The following PARD3B variants were observed in gnomAD, a reference collection of about 807,000 sequenced individuals.
PARD3B encodes partitioning defective 3 homolog B.
A neutral mutation model predicts 130.2 loss-of-function variants in PARD3B; 103 were observed. The ratio of observed to expected loss-of-function variants is 0.79; its 90% CI spans 0.67 to 0.93. PARD3B has a LOEUF of 0.93. Ranked by LOEUF, PARD3B falls within the 40% of genes least tolerant of loss-of-function variation. The probability of loss-of-function intolerance (pLI) is 0.00; values close to 1 mark genes in which losing one functional copy is unlikely to be tolerated. For missense variants in PARD3B, 1,609 were observed against 1,499.2 expected, an observed-to-expected ratio of 1.07 and a Z score of -1.21; for synonymous variants, 583 against 553.2, an observed-to-expected ratio of 1.05 and a Z score of -0.76.
intron 18 of PARD3B, chr2:205,347,672 A>G (rs2043844191): frequency 6.6e-6 from 1 of 152,212 alleles, no homozygotes; most frequent in Non-Finnish European, 1.5e-5. Flanking sequence ...ATTTAGAAGA[A>G]TCTGAGAAAC....
chr2:204,696,148 T>C (rs2037598030), intron 2 of PARD3B, among the ~76,000 whole-genome samples: 1 of 151,262 alleles, frequency 6.6e-6, no homozygotes, highest in Non-Finnish European at 1.5e-5. Context: ...CAATAGGGAG[T>C]ATCGGGGGAG....
intron 6 of PARD3B, among the ~76,000 whole-genome samples, chr2:205,117,650 C>T (rs776361434): frequency 7.2e-5 from 11 of 152,156 alleles, no homozygotes; most frequent in Non-Finnish European, 1.2e-4. Flanking sequence ...TAATAGCACA[C>T]ATGGATTTTA....
At chr2:204,809,318 G>T (rs775723527) in intron 2 of PARD3B, among the ~76,000 whole-genome samples, 1 of 152,014 alleles carries the variant, frequency 6.6e-6, no homozygotes, top group Non-Finnish European at 1.5e-5. Context: ...TGTTACAATT[G>T]CTTTTGGCAT....
chr2:204,694,536 A>C (rs2037518807), intron 2 of PARD3B, among the ~76,000 whole-genome samples: 1 of 152,042 alleles, frequency 6.6e-6, no homozygotes, highest in South Asian at 2.1e-4. Flanking sequence ...TGGGAACTAG[A>C]ATTGAAGATT....
chr2:204,995,293 C>T (rs1310855546), intron 3 of PARD3B, among the ~76,000 whole-genome samples: 1 of 151,424 alleles, frequency 6.6e-6, no homozygotes, highest in Non-Finnish European at 1.5e-5. Flanking sequence ...CAAAATCTCT[C>T]AGCATTTGCT....
chr2:204,889,662 A>G lies in PARD3B; in HGVS notation c.223-75490A>G, dbSNP rs147857645. 1.3e-5 allele frequency among the ~76,000 whole-genome samples: 2 copies of G among 152,332 alleles called. 1 individual carries two copies. Among genetic ancestry groups the G allele is most frequent in the East Asian group, 3.9e-4 (2 of 5,180 alleles). On this transcript the variant is annotated intron_variant, in intron 2 of 22. Transcript: ENST00000406610. ...TACAGATGTTTAAACAAAAAATTGA[A>G]TATGTGCTGAGTAAAATTCATTTAT...
chr2:205,447,543 A>G (rs1231533939), intron 20 of PARD3B, among the ~76,000 whole-genome samples: 8 of 152,062 alleles, frequency 5.3e-5, no homozygotes, highest in Non-Finnish European at 1.0e-4. Context: ...AAACCCAGCT[A>G]ATTTTTTGTA....
intron 19 of PARD3B, among the ~76,000 whole-genome samples, chr2:205,438,788 A>G (rs2106154567): frequency 6.6e-6 from 1 of 152,330 alleles, no homozygotes; most frequent in East Asian, 1.9e-4. Context: ...GTATGCAAAA[A>G]TATAAATTCT....
intron 3 of PARD3B, among the ~76,000 whole-genome samples, chr2:205,002,999 G>C (rs983496282): frequency 6.6e-6 from 1 of 152,202 alleles, no homozygotes; most frequent in Non-Finnish European, 1.5e-5. Context: ...GTTCCAGGCT[G>C]ATGTGGAGCT....
chr2:204,760,875 C>G (rs893831009), intron 2 of PARD3B, among the ~76,000 whole-genome samples: 1 of 152,114 alleles, frequency 6.6e-6, no homozygotes, highest in African/African-American at 2.4e-5. Context: ...TGAAGTTGTT[C>G]ACTTTCTATT....
intron 2 of PARD3B, among the ~76,000 whole-genome samples, chr2:204,902,754 A>C (rs1287877826): frequency 6.7e-6 from 1 of 149,868 alleles, no homozygotes; most frequent in Non-Finnish European, 1.5e-5. Context: ...GAAATGTCCT[A>C]TTTTTTTTCT....
chr2:205,086,879 T>A (rs1418304841), intron 4 of PARD3B, among the ~76,000 whole-genome samples: 1 of 152,186 alleles, frequency 6.6e-6, no homozygotes, highest in Non-Finnish European at 1.5e-5. Context: ...ATATGGCAAT[T>A]GAAAACCAGA....
At chr2:204,827,381 A>C (rs1345740525) in intron 2 of PARD3B, among the ~76,000 whole-genome samples, 1 of 152,200 alleles carries the variant, frequency 6.6e-6, no homozygotes, top group African/African-American at 2.4e-5. Flanking sequence ...CATGTATTAC[A>C]TGAAAATATT....
chr2:205,490,429 CA>C (rs1196497962), intron 20 of PARD3B, among the ~76,000 whole-genome samples: 1 of 152,168 alleles, frequency 6.6e-6, no homozygotes, highest in Non-Finnish European at 1.5e-5. Context: ...CATGTCCCTA[CA>C]AAGGACATGA....
In PARD3B at chr2:205,119,653, G is replaced by A. The variant is rs577743011; in HGVS notation, c.806+607G>A. ...AAAAATTAGCCAGGCGTGGTGGTAC[G>A]CGCCTGTAATCCCAGCTACTTGGGA... On this transcript the variant is annotated intron_variant, in intron 7 of 22. Transcript: ENST00000406610. 5.3e-5 allele frequency among the ~76,000 whole-genome samples: 8 copies of A among 152,062 alleles called. No individual in the cohort carries two copies. The South Asian group carries it at 1.0e-3, about 20-fold the overall frequency.
At chr2:205,472,203 G>A (rs1000985023) in intron 20 of PARD3B, among the ~76,000 whole-genome samples, 3 of 152,000 alleles carry the variant, frequency 2.0e-5, no homozygotes, top group Non-Finnish European at 4.4e-5. Context: ...TTGTCTCCTC[G>A]ACCAATGAAG....
At chr2:204,781,959 T>C (rs2041848078) in intron 2 of PARD3B, among the ~76,000 whole-genome samples, 1 of 152,118 alleles carries the variant, frequency 6.6e-6, no homozygotes, top group African/African-American at 2.4e-5. Flanking sequence ...GATTCTGCTC[T>C]TAATATTTAT....
chr2:204,787,628 G>A (rs2042057130), intron 2 of PARD3B, among the ~76,000 whole-genome samples: 1 of 152,118 alleles, frequency 6.6e-6, no homozygotes, highest in Admixed American at 6.5e-5. Context: ...ACATTTTAGT[G>A]TAGCCAATTC....
rs565888398 is a variant in PARD3B at position 205,331,959 on chromosome 2, G to T, written c.2630+30258G>T. Reference sequence around the variant, plus strand: ...TCTCAACTAAAAATACAAAAAATTAGCCTGGTGTGGTGGTGTGAGCCTGTA... The same window carrying T: ...TCTCAACTAAAAATACAAAAAATTATCCTGGTGTGGTGGTGTGAGCCTGTA... On this transcript the variant is annotated intron_variant, in intron 18 of 22. Coordinates refer to ENST00000406610, the MANE Select transcript of PARD3B (RefSeq NM_001302769.2). 3.9e-5 allele frequency among the ~76,000 whole-genome samples: 6 copies of T among 151,902 alleles called. No homozygotes were observed. In the South Asian group the frequency reaches 1.2e-3, roughly 32 times the overall value.
Sources: allele counts gnomAD v4.1 joint callset (sites outside exome capture counted in the v4.1 genomes callset), GRCh38; gene constraint gnomAD v4.1.1; transcripts MANE v1.5; gene names NCBI Gene and HGNC (gene_info 2026-07-23, HGNC 2026-07-21).